RBM39: variants seen among roughly 807,000 people sequenced by gnomAD.
RBM39 encodes RNA-binding protein 39.
RBM39 carries 12 observed loss-of-function variants against 79.6 expected under a neutral mutation model. That is an observed-to-expected ratio of 0.15 (90% confidence interval 0.10 to 0.24). The LOEUF is 0.24. Ranked by LOEUF, RBM39 falls within the 10% of genes least tolerant of loss-of-function variation. RBM39 has a pLI of 1.00. For missense variants in RBM39, 243 were observed against 653.4 expected, an observed-to-expected ratio of 0.37 and a Z score of 6.85; for synonymous variants, 185 against 208.4, an observed-to-expected ratio of 0.89 and a Z score of 0.97.
At chr20:35,736,674 C>A in intron 3 of RBM39, 2 of 445,240 alleles carry the variant, frequency 4.5e-6, no homozygotes, top group Non-Finnish European at 9.3e-6. Context: ...TTGTTTGAGA[C>A]GGAGTCTCGC....
chr20:35,740,381 T>C (rs1241949175), intron 2 of RBM39: 2 of 382,700 alleles, frequency 5.2e-6, no homozygotes, highest in Non-Finnish European at 5.1e-6. Flanking sequence ...CACAGACTGG[T>C]CATGCTTTGT....
Position 35,740,807 on chromosome 20 carries a change from G to A in RBM39, c.51+17C>T. On this transcript the variant is annotated intron_variant, in intron 2 of 16. Coordinates refer to ENST00000253363, the MANE Select transcript of RBM39 (RefSeq NM_184234.3). The stretch of plus-strand genomic sequence containing the variant: ...AATTAAGAAATATATAAACCTCACC[G>A]ACATGTTTTTTCTCACCTTCTTGTA... 6 of 1,601,882 alleles carry A rather than the reference G, an allele frequency of 3.7e-6. No homozygotes were observed. The highest frequency in any genetic ancestry group is 4.3e-6 in the Non-Finnish European group (5 of 1,171,936).
At chr20:35,724,024 G>C (rs1569034539) in intron 8 of RBM39, among the ~76,000 whole-genome samples, 1 of 152,088 alleles carries the variant, frequency 6.6e-6, no homozygotes, top group East Asian at 1.9e-4. Context: ...CCTGGCAACA[G>C]AAGTGAGACC....
At chr20:35,707,234 G>A (rs750076165) in intron 13 of RBM39, 33 bp from the exon 14 acceptor site, 183 of 1,468,014 alleles carry the variant, frequency 1.2e-4, no homozygotes, top group Non-Finnish European at 1.6e-4. Context: ...TAGTTTCATG[G>A]AAAATGCATG....
chr20:35,738,771 A>G (rs2040240787), intron 3 of RBM39, among the ~76,000 whole-genome samples, 197 bp downstream of exon 3: 1 of 152,230 alleles, frequency 6.6e-6, no homozygotes, highest in Admixed American at 6.5e-5. Context: ...ATCTGAAACT[A>G]TATTCTGAAA....
chr20:35,719,444 G>A (rs2037615121), intron 9 of RBM39, among the ~76,000 whole-genome samples: 1 of 152,176 alleles, frequency 6.6e-6, no homozygotes, highest in African/African-American at 2.4e-5. Context: ...GCTCACGCCT[G>A]TAATGACAAC....
rs372455361 is a variant in RBM39, at chr20:35,725,027, G to T, written c.534+11C>A. ...CTACCTACTTGACCTCCCTAAACAGGTTAAGATTACCTTTCCTACTGTAGA... is the reference window on the plus strand; with the variant it reads ...CTACCTACTTGACCTCCCTAAACAGTTTAAGATTACCTTTCCTACTGTAGA... On this transcript the variant is annotated intron_variant, in intron 7 of 16. Transcript: ENST00000253363. 28 of 1,583,632 alleles carry T rather than the reference G, an allele frequency of 1.8e-5. No homozygotes were observed. In the African/African-American group the frequency reaches 3.5e-4, roughly 20 times the overall value.
At chr20:35,721,962 A>G (rs1410477926) in intron 8 of RBM39, 85 bp from the exon 9 acceptor site, 2 of 1,472,214 alleles carry the variant, frequency 1.4e-6, no homozygotes, top group African/African-American at 1.4e-5. Context: ...AACTAATGTT[A>G]AAGTTTAGAG....
chr20:35,710,235 CA>C (rs895621695), intron 12 of RBM39: 2 of 151,960 alleles, frequency 1.3e-5, no homozygotes, highest in African/African-American at 2.4e-5. Context: ...GCAACATGGG[CA>C]AAAATGTACA....
intron 3 of RBM39, chr20:35,734,147 C>G (rs2039664186): frequency 2.5e-6 from 3 of 1,223,482 alleles, no homozygotes; most frequent in Non-Finnish European, 3.3e-6. Context: ...AGCAGGTCAT[C>G]TTTAGAGTGC....
At chr20:35,720,259 G>A (rs995765392) in intron 9 of RBM39, among the ~76,000 whole-genome samples, 9 of 152,178 alleles carry the variant, frequency 5.9e-5, no homozygotes, top group African/African-American at 2.2e-4. Context: ...GGTTTAGGTA[G>A]ATAGCACAAA....
rs768856805 is a variant in RBM39, at chr20:35,707,088, A to G, written c.1307+32T>C. 3.7e-5 allele frequency: 44 copies of G among 1,178,454 alleles called. 1 individual carries two copies. The highest frequency in any genetic ancestry group is 2.1e-4 in the South Asian group (14 of 66,320). The allele number at this position is 1,178,454 out of a possible 1,614,324, so 73.0% of individuals were successfully genotyped here. A position where few individuals can be genotyped will look rare whatever the true frequency, so the allele number is the denominator to read the frequency against. On this transcript the variant is annotated intron_variant, in intron 14 of 16. Transcript: ENST00000253363. Reference sequence around the variant, plus strand: ...AAAACAACTCTATTGACGCCTTGATAGGAAATATCAAGAATAAAGTCCATT... The same window carrying G: ...AAAACAACTCTATTGACGCCTTGATGGGAAATATCAAGAATAAAGTCCATT...
chr20:35,713,080 A>G lies in RBM39; in HGVS notation c.1113T>C (p.Ile371=), dbSNP rs1417133764. Residue 371 remains isoleucine, a synonymous_variant, in exon 12 of 17, where the codon ATT becomes ATC. Transcript: ENST00000253363. ...ARLAEGTGLQ[I]PPAAQQALQM... is the part of the protein sequence containing the mutation. ...GTAGAGCTTGCTGTGCTGCTGGCGG[A>G]ATCTGCAAACCTGTACCTGTAAAAG... 1 of 1,613,780 alleles carries G rather than the reference A, an allele frequency of 6.2e-7. No individual in the cohort carries two copies. Among genetic ancestry groups the G allele is most frequent in the South Asian group, 1.1e-5 (1 of 91,038 alleles).
chr20:35,734,923 G>T (rs376468503), intron 3 of RBM39: 30 of 1,580,864 alleles, frequency 1.9e-5, no homozygotes, highest in Non-Finnish European at 2.2e-5. Flanking sequence ...AGTCTTTAAT[G>T]GCAGTGAAAT....
At chr20:35,731,299 T>A (rs547599895) in intron 4 of RBM39, 1 of 152,444 alleles carries the variant, frequency 6.6e-6, no homozygotes, top group East Asian at 1.9e-4. Context: ...AACCATAATA[T>A]ATTTGTTTCC....
intron 8 of RBM39, among the ~76,000 whole-genome samples, chr20:35,722,174 A>G (rs915232341): frequency 6.6e-6 from 1 of 152,054 alleles, no homozygotes; most frequent in Non-Finnish European, 1.5e-5. Flanking sequence ...TTAGTAGGCT[A>G]AAGCAGCCAG....
At chr20:35,717,836 G>A (rs1408301176) in intron 9 of RBM39, among the ~76,000 whole-genome samples, 1 of 151,952 alleles carries the variant, frequency 6.6e-6, no homozygotes, top group Non-Finnish European at 1.5e-5. Flanking sequence ...GTCACAGAGG[G>A]AGACTCTGTC....
At chr20:35,738,292 G>C (rs984904184) in intron 3 of RBM39, among the ~76,000 whole-genome samples, 3 of 152,124 alleles carry the variant, frequency 2.0e-5, no homozygotes, top group African/African-American at 4.8e-5. Flanking sequence ...AAAAAAAGTG[G>C]ATCTCATCAT....
At chr20:35,710,622 AC>A (rs1387763795) in intron 12 of RBM39, 2 of 152,174 alleles carry the variant, frequency 1.3e-5, no homozygotes, top group African/African-American at 4.8e-5. Context: ...TATAGTGATG[AC>A]CCATCCCTAG....
Sources: allele counts gnomAD v4.1 joint callset (sites outside exome capture counted in the v4.1 genomes callset), GRCh38; gene constraint gnomAD v4.1.1; transcripts MANE v1.5; gene names NCBI Gene and HGNC (gene_info 2026-07-23, HGNC 2026-07-21).